METTL25: variants seen among roughly 807,000 people sequenced by gnomAD.
The protein encoded by METTL25 is methyltransferase like 25.
Under a neutral mutation model 71.6 loss-of-function variants are expected in METTL25, and 64 were observed. The ratio of observed to expected loss-of-function variants is 0.89; its 90% CI spans 0.73 to 1.10. The LOEUF is 1.10. Ranked by LOEUF, METTL25 falls within the 50% of genes least tolerant of loss-of-function variation. The pLI, the probability that METTL25 is intolerant of heterozygous loss-of-function variation, is 0.00. For missense variants in METTL25, 807 were observed against 707.0 expected (o/e 1.14, Z -1.60); for synonymous variants, 287 against 250.3 (o/e 1.15, Z -1.38).
intron 5 of METTL25, among the ~76,000 whole-genome samples, chr12:82,409,592 C>A (rs1350967134): frequency 1.3e-5 from 2 of 152,064 alleles, no homozygotes; most frequent in Non-Finnish European, 2.9e-5. Flanking sequence ...CTACTGGGAG[C>A]AACTCTTGCC....
At chr12:82,408,499 G>A (rs1221446703) in intron 5 of METTL25, among the ~76,000 whole-genome samples, 1 of 152,000 alleles carries the variant, frequency 6.6e-6, no homozygotes, top group African/African-American at 2.4e-5. Flanking sequence ...CAAATTCAAG[G>A]AGAAAAATCT....
chr12:82,435,674 A>G (rs1369517048), intron 7 of METTL25, among the ~76,000 whole-genome samples: 2 of 151,310 alleles, frequency 1.3e-5, no homozygotes, highest in Non-Finnish European at 3.0e-5. Flanking sequence ...TTTATCTGTA[A>G]AATAGGGAAA....
At chr12:82,376,227 T>C (rs377289698) in intron 1 of METTL25, among the ~76,000 whole-genome samples, 2 of 152,242 alleles carry the variant, frequency 1.3e-5, no homozygotes, top group East Asian at 3.8e-4. Flanking sequence ...ATTTTCCAGA[T>C]AAGTTTTTCA....
chr12:82,395,871 C>T (rs773836909), intron 3 of METTL25, among the ~76,000 whole-genome samples: 13 of 151,978 alleles, frequency 8.6e-5, no homozygotes, highest in Non-Finnish European at 1.5e-4. Flanking sequence ...GAAGACAAAA[C>T]TAATTAAATA....
chr12:82,384,391 CT>C, intron 1 of METTL25, among the ~76,000 whole-genome samples: 1 of 151,108 alleles, frequency 6.6e-6, no homozygotes, highest in African/African-American at 2.4e-5. Context: ...CTCTCTCTCT[CT>C]CTCTGTCTTC....
intron 1 of METTL25, among the ~76,000 whole-genome samples, chr12:82,362,320 ACTCCAG>A (rs1471175452): frequency 2.6e-5 from 4 of 152,102 alleles, no homozygotes; most frequent in Non-Finnish European, 5.9e-5. Context: ...TCAAATATTG[ACTCCAG>A]CACTTAGTAG....
chr12:82,397,645 C>CT, intron 3 of METTL25, among the ~76,000 whole-genome samples: 1 of 151,360 alleles, frequency 6.6e-6, no homozygotes, highest in South Asian at 2.1e-4. Context: ...AATTTTTTTT[C>CT]TTTTTTTTAT....
chr12:82,400,600 T>A (rs901964222), intron 4 of METTL25, among the ~76,000 whole-genome samples: 3 of 150,788 alleles, frequency 2.0e-5, no homozygotes, highest in African/African-American at 7.4e-5. Context: ...AAATGTAAAT[T>A]TCTAGTACAT....
In METTL25 at chr12:82,415,613, G is replaced by GT. The variant is rs998246063; in HGVS notation, c.1279+12484dup. On this transcript the variant is annotated intron_variant, in intron 5 of 11. Transcript: ENST00000248306. ...CCTGAGAATCAGGAATGCCACTGGT[G>GT]TAAGTCACAGTCCAAAGGCAAGAGA... Among the ~76,000 whole-genome samples the GT allele has an allele frequency of 2.0e-5, 3 of 152,218 alleles. 1 individual carries two copies. The highest frequency in any genetic ancestry group is 1.3e-4 in the Admixed American group (2 of 15,256).
chr12:82,467,196 G>A (rs1892290249), intron 9 of METTL25, among the ~76,000 whole-genome samples: 2 of 151,466 alleles, frequency 1.3e-5, no homozygotes, highest in African/African-American at 4.8e-5. Flanking sequence ...TTTACATTCA[G>A]GGTTATTATT....
chr12:82,403,571 G>A (rs1886828088), intron 5 of METTL25, among the ~76,000 whole-genome samples: 1 of 152,116 alleles, frequency 6.6e-6, no homozygotes, highest in African/African-American at 2.4e-5. Context: ...GTTCTTTACT[G>A]TATTTTGAAG....
chr12:82,439,797 T>C, intron 8 of METTL25: 1 of 862,680 alleles, frequency 1.2e-6, no homozygotes, highest in Non-Finnish European at 1.4e-6. Context: ...AGCCATAAAA[T>C]TGTGCAAATT....
chr12:82,431,400 C>G (rs916973480), intron 6 of METTL25, among the ~76,000 whole-genome samples: 1 of 151,556 alleles, frequency 6.6e-6, no homozygotes, highest in African/African-American at 2.4e-5. Flanking sequence ...CTAGAACACT[C>G]TAGCCCATAA....
intron 9 of METTL25, chr12:82,459,792 C>T (rs1891741218): frequency 6.6e-6 from 1 of 152,148 alleles, no homozygotes; most frequent in South Asian, 2.1e-4. Flanking sequence ...ATGTTTCAAG[C>T]TTAGGAAGAT....
intron 1 of METTL25, among the ~76,000 whole-genome samples, chr12:82,380,043 G>T (rs1013091856): frequency 6.6e-6 from 1 of 152,150 alleles, no homozygotes; most frequent in Non-Finnish European, 1.5e-5. Flanking sequence ...AATTTGGAAA[G>T]TTGATCCAAT....
chr12:82,405,310 G>A (rs963772987), intron 5 of METTL25, among the ~76,000 whole-genome samples: 2 of 152,146 alleles, frequency 1.3e-5, no homozygotes, highest in African/African-American at 4.8e-5. Context: ...TTAGGATAGT[G>A]TCTTTCCTAA....
intron 9 of METTL25, among the ~76,000 whole-genome samples, chr12:82,459,493 G>A (rs1249406402): frequency 6.6e-6 from 1 of 152,118 alleles, no homozygotes; most frequent in Non-Finnish European, 1.5e-5. Flanking sequence ...ATAGTGTGGT[G>A]ATATGCACCT....
intron 8 of METTL25, among the ~76,000 whole-genome samples, chr12:82,453,037 T>A (rs1467731554): frequency 6.6e-6 from 1 of 152,158 alleles, no homozygotes; most frequent in Non-Finnish European, 1.5e-5. Flanking sequence ...AATGAATGAA[T>A]AAGCAACCTA....
intron 5 of METTL25, among the ~76,000 whole-genome samples, chr12:82,421,643 C>A (rs1393469092): frequency 6.6e-6 from 1 of 151,804 alleles, no homozygotes; most frequent in African/African-American, 2.4e-5. Context: ...ATTGATAGAC[C>A]ACTAGCAAGA....
Sources: gnomAD v4.1 joint callset for allele counts (sites outside exome capture counted in the v4.1 genomes callset) on GRCh38, gnomAD v4.1.1 for gene constraint, MANE v1.5 for transcripts, NCBI Gene and HGNC (gene_info 2026-07-23, HGNC 2026-07-21) for gene names.